SPTY2D1: variants seen among roughly 807,000 people sequenced by gnomAD.
The protein encoded by SPTY2D1 is SPT2 chromatin protein domain containing 1.
In SPTY2D1, 21 loss-of-function variants were observed where a neutral mutation model predicts 64.0. The ratio of observed to expected loss-of-function variants is 0.33; its 90% CI spans 0.23 to 0.47. The LOEUF (loss-of-function observed/expected upper bound fraction) is 0.47. Among genes scored for constraint, SPTY2D1 ranks in the 20% least tolerant of loss-of-function variants. The pLI is 1.00. For missense variants in SPTY2D1, 724 were observed against 837.2 expected, an observed-to-expected ratio of 0.86 and a Z score of 1.67; for synonymous variants, 287 against 286.8, an observed-to-expected ratio of 1.00 and a Z score of -0.01.
In SPTY2D1 at chr11:18,615,281, C is replaced by T. The variant is rs369150525; in HGVS notation, c.993G>A (p.Arg331=). Residue 331 remains arginine (R), a synonymous_variant, in exon 3 of 6, where the codon AGG becomes AGA. Coordinates refer to ENST00000336349, the MANE Select transcript of SPTY2D1 (RefSeq NM_194285.3). ...TGTGCTCAACAGCAGATTTCTGAGT[C>T]CTGCTAGCAGAAGTCTTTGGGACAC... ...SPSVPKTSAS[R]TQKSAVEHKA... is the part of the protein sequence containing the mutation. The T allele has an allele frequency of 6.8e-6, 11 of 1,614,060 alleles. No homozygotes were observed. The South Asian group carries it at 1.1e-4, about 16-fold the overall frequency.
chr11:18,610,727 A>C (rs766605335), intron 5 of SPTY2D1, among the ~76,000 whole-genome samples: 12 of 151,982 alleles, frequency 7.9e-5, no homozygotes, highest in Non-Finnish European at 1.6e-4. Flanking sequence ...TTTTACCCCA[A>C]TAGAGAAAGT....
At position 18,608,220 on chromosome 11, in the gene SPTY2D1, TTCATGGGATTCAACTTA is replaced by T. The variant is rs539892520; in HGVS notation, c.*1624_*1640del. 6.5e-6 allele frequency: 1 copy of T among 152,752 alleles called. No individual in the cohort carries two copies. The highest frequency in any genetic ancestry group is 6.5e-5 in the Admixed American group (1 of 15,294). The allele number at this position is 152,752 out of a possible 1,614,324, so 9.5% of individuals were successfully genotyped here. A position where few individuals can be genotyped will look rare whatever the true frequency, so the allele number is the denominator to read the frequency against. On this transcript the variant is annotated 3_prime_UTR_variant, in exon 6 of 6. Transcript: ENST00000336349. ...GTTATTCCTAGTGATGATGACACCT[TTCATGGGATTCAACTTA>T]AAAATTAAATCCTTGCACTTTCAAA...
chr11:18,630,017 A>T (rs529365012), intron 1 of SPTY2D1, among the ~76,000 whole-genome samples: 2 of 151,616 alleles, frequency 1.3e-5, no homozygotes, highest in East Asian at 3.9e-4. Context: ...AAAAATACAA[A>T]AATTAGCTGG....
chr11:18,617,774 T>A (rs1808185498), intron 1 of SPTY2D1, among the ~76,000 whole-genome samples: 1 of 151,074 alleles, frequency 6.6e-6, no homozygotes, highest in Non-Finnish European at 1.5e-5. Flanking sequence ...AAACTCCGTC[T>A]CTACTAAAAA....
At chr11:18,631,192 A>G (rs919935503) in intron 1 of SPTY2D1, among the ~76,000 whole-genome samples, 16 of 152,324 alleles carry the variant, frequency 1.1e-4, no homozygotes, top group Admixed American at 3.3e-4. Context: ...TTTGTTTTTA[A>G]TAATTGTGAA....
At chr11:18,622,851 C>A (rs993035485) in intron 1 of SPTY2D1, among the ~76,000 whole-genome samples, 1 of 151,934 alleles carries the variant, frequency 6.6e-6, no homozygotes, top group South Asian at 2.1e-4. Flanking sequence ...ACTCAGGAGG[C>A]TAAGGCAGGA....
chr11:18,621,174 G>A (rs1807732805), intron 1 of SPTY2D1, among the ~76,000 whole-genome samples: 2 of 151,702 alleles, frequency 1.3e-5, no homozygotes, highest in South Asian at 4.2e-4. Flanking sequence ...GTGGGCACCT[G>A]TAATCCCAGC....
At position 18,615,250 on chromosome 11, in the gene SPTY2D1, T is replaced by C. The variant is rs1328088108; in HGVS notation, c.1024A>G (p.Lys342Glu). 3.7e-6 allele frequency: 6 copies of C among 1,614,128 alleles called. No homozygotes were observed. The highest frequency in any genetic ancestry group is 5.1e-6 in the Non-Finnish European group (6 of 1,180,050). ...TQKSAVEHKA[K>E]KSLSHPSHSR... ...TGGCTAGGATGGGACAGAGATTTTT[T>C]GGCTTTGTGCTCAACAGCAGATTTC... Residue 342 changes from lysine to glutamate, a missense_variant, in exon 3 of 6, where the codon AAA (lysine) becomes GAA (glutamate). Physicochemically the swap from Lys to Glu is moderately conservative, Grantham distance 56 (BLOSUM62 1). Around this residue, in one of 3 missense-constraint regions of SPTY2D1, gnomAD observed 426 missense variants for 431.8 expected, o/e 0.99. Transcript: ENST00000336349.
chr11:18,615,765 G>C lies in SPTY2D1; in HGVS notation c.509C>G (p.Thr170Ser). ...TTTCTCAGCCAGCCTGAGTAAATCAGTGAAGTTCATGGGTGGTGGGGCACT... is the reference window on the plus strand; with the variant it reads ...TTTCTCAGCCAGCCTGAGTAAATCACTGAAGTTCATGGGTGGTGGGGCACT... Reference protein sequence around the residue: ...LKSAPPPMNFTDLLRLAEKKQ... With the variant: ...LKSAPPPMNFSDLLRLAEKKQ... Residue 170 changes from threonine to serine, a missense_variant, in exon 3 of 6, where the codon ACT (threonine) becomes AGT (serine). Physicochemically the swap from Thr to Ser is moderately conservative, Grantham distance 58 (BLOSUM62 1). Around this residue, in one of 3 missense-constraint regions of SPTY2D1, gnomAD observed 179 missense variants for 232.5 expected, o/e 0.77. Coordinates refer to ENST00000336349, the MANE Select transcript of SPTY2D1 (RefSeq NM_194285.3). 6.2e-7 allele frequency: 1 copy of C among 1,614,066 alleles called. No homozygotes were observed.
At chr11:18,633,653 T>C (rs1004473770) in intron 1 of SPTY2D1, among the ~76,000 whole-genome samples, 11 of 152,210 alleles carry the variant, frequency 7.2e-5, no homozygotes, top group Non-Finnish European at 1.3e-4. Context: ...TCCCAAAAGA[T>C]GATACCTATC....
rs1854170724 is a variant in SPTY2D1 at position 18,609,963 on chromosome 11, G to T, written c.1965-9C>A. 1.9e-6 allele frequency: 3 copies of T among 1,611,858 alleles called. No individual in the cohort carries two copies. Among genetic ancestry groups the T allele is most frequent in the Middle Eastern group, 1.7e-4 (1 of 6,056 alleles). On this transcript the variant is annotated splice_polypyrimidine_tract_variant and intron_variant, in intron 5 of 5. Coordinates refer to ENST00000336349, the MANE Select transcript of SPTY2D1 (RefSeq NM_194285.3). Reference sequence around the variant, plus strand: ...GCATACCCAGTCTTAAGCTGCCAAAGAATTTTTAAAGGGTATTTGTCAATA... The same window carrying T: ...GCATACCCAGTCTTAAGCTGCCAAATAATTTTTAAAGGGTATTTGTCAATA...
At chr11:18,624,210 GAA>G (rs34579834) in intron 1 of SPTY2D1, among the ~76,000 whole-genome samples, 3 of 141,990 alleles carry the variant, frequency 2.1e-5, no homozygotes, top group African/African-American at 7.9e-5. Context: ...AAAAAGAGAG[GAA>G]AAAAAAAAAA....
intron 5 of SPTY2D1, 53 bp from the exon 6 acceptor site, chr11:18,610,007 T>C: frequency 2.0e-6 from 3 of 1,507,422 alleles, no homozygotes; most frequent in South Asian, 2.3e-5. Flanking sequence ...ATGACCACTT[T>C]CCTTAAAAAG....
At chr11:18,624,677 C>T (rs779910663) in intron 1 of SPTY2D1, among the ~76,000 whole-genome samples, 4 of 152,082 alleles carry the variant, frequency 2.6e-5, no homozygotes, top group Non-Finnish European at 2.9e-5. Context: ...ATGTGTACAC[C>T]GACTACTGTA....
chr11:18,632,822 T>C (rs1373448126), intron 1 of SPTY2D1, among the ~76,000 whole-genome samples: 3 of 152,238 alleles, frequency 2.0e-5, no homozygotes. Context: ...TTAGTTCTGA[T>C]TCTTCCACAG....
chr11:18,631,671 T>G (rs1340102875), intron 1 of SPTY2D1, among the ~76,000 whole-genome samples: 1 of 150,970 alleles, frequency 6.6e-6, no homozygotes, highest in Non-Finnish European at 1.5e-5. Flanking sequence ...GAAAAAAAGC[T>G]TTATTTCTTT....
chr11:18,623,580 T>C (rs114373215), intron 1 of SPTY2D1, among the ~76,000 whole-genome samples: 203 of 152,342 alleles, frequency 1.3e-3, no homozygotes, highest in African/African-American at 4.7e-3. Context: ...AGGTAAAGAA[T>C]ACTACCCTCC....
chr11:18,623,169 C>A (rs1444728766), intron 1 of SPTY2D1, among the ~76,000 whole-genome samples: 1 of 151,828 alleles, frequency 6.6e-6, no homozygotes, highest in African/African-American at 2.4e-5. Flanking sequence ...TAAGTTATCA[C>A]AAATTTAAAA....
intron 1 of SPTY2D1, among the ~76,000 whole-genome samples, chr11:18,618,937 C>A (rs757265852): frequency 5.3e-5 from 8 of 152,136 alleles, no homozygotes; most frequent in Non-Finnish European, 8.8e-5. Context: ...AGACAGCATC[C>A]AGATTTCTTT....
Sources: allele counts gnomAD v4.1 joint callset (sites outside exome capture counted in the v4.1 genomes callset), GRCh38; gene constraint gnomAD v4.1.1; regional missense constraint gnomAD v4.1.1; transcripts MANE v1.5; gene names NCBI Gene and HGNC (gene_info 2026-07-23, HGNC 2026-07-21).